Variants in ASIC2 observed in about 807,000 individuals in gnomAD.
The protein encoded by ASIC2 is acid-sensing ion channel 2.
In ASIC2, 25 loss-of-function variants were observed where a neutral mutation model predicts 57.3. The ratio of observed to expected loss-of-function variants is 0.44; its 90% CI spans 0.32 to 0.61. The LOEUF is 0.61. ASIC2 is among the 20% of genes least tolerant of loss of function. ASIC2 has a pLI of 0.06. For synonymous variants in ASIC2, 319 were observed against 307.5 expected, an observed-to-expected ratio of 1.04 and a Z score of -0.39; for missense variants, 641 against 738.1, an observed-to-expected ratio of 0.87 and a Z score of 1.52.
At chr17:33,773,120 T>C (rs1271967533) in intron 1 of ASIC2, among the ~76,000 whole-genome samples, 1 of 152,232 alleles carries the variant, frequency 6.6e-6, no homozygotes, top group Admixed American at 6.5e-5. Flanking sequence ...CAGATGATGC[T>C]TTTTGTTGAA....
intron 1 of ASIC2, among the ~76,000 whole-genome samples, chr17:33,801,072 A>G (rs1912119163): frequency 6.6e-6 from 1 of 152,208 alleles, no homozygotes; most frequent in South Asian, 2.1e-4. Context: ...ATACACTAGA[A>G]GTGGCTTTGA....
At chr17:33,305,721 G>A (rs1597674915) in intron 1 of ASIC2, among the ~76,000 whole-genome samples, 1 of 152,166 alleles carries the variant, frequency 6.6e-6, no homozygotes, top group Admixed American at 6.5e-5. Context: ...GGAAAGGACA[G>A]GATCTATTGC....
At chr17:33,197,228 T>C (rs1452318171) in intron 1 of ASIC2, among the ~76,000 whole-genome samples, 1 of 152,196 alleles carries the variant, frequency 6.6e-6, no homozygotes, top group Non-Finnish European at 1.5e-5. Flanking sequence ...TTGGATTTCA[T>C]GTTTGGTTGT....
intron 1 of ASIC2, among the ~76,000 whole-genome samples, chr17:33,314,545 T>A (rs1842154866): frequency 6.6e-6 from 1 of 152,230 alleles, no homozygotes; most frequent in Admixed American, 6.5e-5. Context: ...CACTGAAGTC[T>A]GCCCTTCTGG....
At chr17:33,748,748 T>C (rs1910339404) in intron 1 of ASIC2, among the ~76,000 whole-genome samples, 1 of 152,192 alleles carries the variant, frequency 6.6e-6, no homozygotes, top group Admixed American at 6.5e-5. Flanking sequence ...GGATGATAAA[T>C]ATATAAGGCT....
chr17:33,769,918 C>T (rs1337924415), intron 1 of ASIC2, among the ~76,000 whole-genome samples: 2 of 152,230 alleles, frequency 1.3e-5, no homozygotes, highest in Non-Finnish European at 2.9e-5. Flanking sequence ...CTAGTCCCAT[C>T]AGGAGGGTTC....
At chr17:33,731,855 C>T (rs967358763) in intron 1 of ASIC2, among the ~76,000 whole-genome samples, 2 of 152,132 alleles carry the variant, frequency 1.3e-5, no homozygotes, top group African/African-American at 4.8e-5. Context: ...GTGTTCAGAA[C>T]AGCCTATAAA....
chr17:33,077,156 C>G (rs2092092073), intron 3 of ASIC2, among the ~76,000 whole-genome samples: 1 of 151,932 alleles, frequency 6.6e-6, no homozygotes. Flanking sequence ...CCCCTTGGCT[C>G]TCCTGCAGAC....
chr17:33,371,758 G>C (rs1456900187), intron 1 of ASIC2, among the ~76,000 whole-genome samples: 1 of 152,100 alleles, frequency 6.6e-6, no homozygotes, highest in Non-Finnish European at 1.5e-5. Context: ...AAAGCAGTGT[G>C]TGCTTCCTCT....
At chr17:33,920,081 A>G (rs922577557) in intron 1 of ASIC2, among the ~76,000 whole-genome samples, 2 of 152,216 alleles carry the variant, frequency 1.3e-5, no homozygotes, top group Non-Finnish European at 2.9e-5. Context: ...GGGAATATAA[A>G]TTCGTTCAGC....
intron 3 of ASIC2, among the ~76,000 whole-genome samples, chr17:33,037,756 C>T (rs1209114468): frequency 1.3e-5 from 2 of 152,184 alleles, no homozygotes; most frequent in Non-Finnish European, 2.9e-5. Flanking sequence ...GTTGCAGGCA[C>T]TGTGGTAGGT....
intron 1 of ASIC2, among the ~76,000 whole-genome samples, chr17:33,921,965 T>C (rs1185548983): frequency 6.6e-6 from 1 of 152,110 alleles, no homozygotes; most frequent in African/African-American, 2.4e-5. Flanking sequence ...ATGGAATTGG[T>C]GCTTGGGGTT....
intron 1 of ASIC2, among the ~76,000 whole-genome samples, chr17:33,528,167 G>GGTGTGTGTGTGTGTGTGTGTGTGTGT (rs56235143): frequency 0.088 from 12,543 of 143,244 alleles, 764 homozygotes; most frequent in African/African-American, 0.15. Flanking sequence ...GTATGTGGTA[G>GGTGTGTGTGTGTGTGTGTGTGTGTGT]GTGTGTGTGT....
chr17:34,060,748 T>C (rs1908940999), intron 1 of ASIC2, among the ~76,000 whole-genome samples: 1 of 151,842 alleles, frequency 6.6e-6, no homozygotes, highest in Non-Finnish European at 1.5e-5. Flanking sequence ...AAGAAAGAAA[T>C]TCAGAGCTCA....
chr17:33,541,571 A>C (rs1373639520), intron 1 of ASIC2, among the ~76,000 whole-genome samples: 3 of 152,164 alleles, frequency 2.0e-5, no homozygotes, highest in Non-Finnish European at 4.4e-5. Flanking sequence ...GCTCAACGGA[A>C]ACTCAGGCCA....
chr17:33,028,387 T>C lies in ASIC2; in HGVS notation c.993A>G (p.Thr331=). The change falls in exon 4 of 10, where the codon ACA becomes ACG. Residue 331 remains threonine (T), a synonymous_variant. Coordinates refer to ENST00000225823, the MANE Select transcript of ASIC2 (RefSeq NM_183377.2). ...TFVATQEQRL[T]YLPPPWGECR... is the part of the protein sequence containing the mutation. ...ACTCACCCCACGGTGGGGGCAGGTATGTGAGCTGCAAGACAGGAAGGAGGG... is the reference window on the plus strand; with the variant it reads ...ACTCACCCCACGGTGGGGGCAGGTACGTGAGCTGCAAGACAGGAAGGAGGG... The C allele has an allele frequency of 6.2e-7, 1 of 1,614,068 alleles. No homozygotes were observed. The highest frequency in any genetic ancestry group is 1.1e-5 in the South Asian group (1 of 91,078).
chr17:34,138,873 T>C (rs1275645151), intron 1 of ASIC2, among the ~76,000 whole-genome samples: 1 of 152,200 alleles, frequency 6.6e-6, no homozygotes, highest in Non-Finnish European at 1.5e-5. Context: ...TAGGCAATGA[T>C]CACACAACCC....
intron 1 of ASIC2, among the ~76,000 whole-genome samples, chr17:33,140,397 A>T (rs2092382790): frequency 6.6e-6 from 1 of 152,232 alleles, no homozygotes; most frequent in African/African-American, 2.4e-5. Flanking sequence ...TTAGACCAGT[A>T]TTTGAACCCC....
intron 1 of ASIC2, among the ~76,000 whole-genome samples, chr17:33,563,499 C>T (rs919983): frequency 0.57 from 86,168 of 152,050 alleles, 25,566 homozygotes; most frequent in African/African-American, 0.75. Flanking sequence ...ATCCCCAGCC[C>T]ACCACTGGAG....
Sources: gnomAD v4.1 joint callset for allele counts (sites outside exome capture counted in the v4.1 genomes callset) on GRCh38, gnomAD v4.1.1 for gene constraint, MANE v1.5 for transcripts, NCBI Gene and HGNC (gene_info 2026-07-23, HGNC 2026-07-21) for gene names.